The following HPSE2 variants were observed in gnomAD, a reference collection of about 807,000 sequenced individuals.
The protein encoded by HPSE2 is inactive heparanase-2.
In HPSE2, 38 loss-of-function variants were observed where a neutral mutation model predicts 60.5. The observed-to-expected ratio is 0.63, with a 90% CI of 0.48 to 0.82. HPSE2 has a LOEUF of 0.82. Among genes scored for constraint, HPSE2 ranks in the 40% least tolerant of loss-of-function variants. The pLI, the probability that HPSE2 is intolerant of heterozygous loss-of-function variation, is 0.00. For synonymous variants in HPSE2, 295 were observed against 293.2 expected, an observed-to-expected ratio of 1.01 and a Z score of -0.06; for missense variants, 713 against 740.4, an observed-to-expected ratio of 0.96 and a Z score of 0.43.
chr10:98,711,644 G>A (rs1308090915), intron 5 of HPSE2, among the ~76,000 whole-genome samples: 2 of 152,034 alleles, frequency 1.3e-5, no homozygotes, highest in Non-Finnish European at 2.9e-5. Context: ...ACAAGAAAAC[G>A]AGAAACAAAG....
intron 3 of HPSE2, among the ~76,000 whole-genome samples, chr10:99,100,221 C>T (rs556621465): frequency 3.9e-5 from 6 of 152,168 alleles, no homozygotes; most frequent in African/African-American, 9.6e-5. Context: ...TCGAATCCAT[C>T]GCAAAGAAGC....
At chr10:99,006,865 C>T (rs549954152) in intron 3 of HPSE2, among the ~76,000 whole-genome samples, 1 of 152,076 alleles carries the variant, frequency 6.6e-6, no homozygotes, top group East Asian at 1.9e-4. Context: ...GAGCCAAGGG[C>T]TGCAGGATTC....
chr10:98,701,965 C>T (rs1404029650), intron 5 of HPSE2, among the ~76,000 whole-genome samples: 1 of 152,092 alleles, frequency 6.6e-6, no homozygotes, highest in African/African-American at 2.4e-5. Flanking sequence ...ACAATATTAA[C>T]CTTAAATGTA....
intron 6 of HPSE2, among the ~76,000 whole-genome samples, chr10:98,686,039 TC>T (rs1392761131): frequency 6.6e-6 from 1 of 152,206 alleles, no homozygotes; most frequent in African/African-American, 2.4e-5. Context: ...GTACTTTACT[TC>T]TCATTCTTTC....
intron 9 of HPSE2, among the ~76,000 whole-genome samples, chr10:98,492,445 T>A (rs530389459): frequency 2.8e-5 from 4 of 144,038 alleles, no homozygotes; most frequent in Admixed American, 2.3e-4. Flanking sequence ...GAGCTTGCAG[T>A]GAGCCGAGAT....
intron 3 of HPSE2, among the ~76,000 whole-genome samples, chr10:98,826,928 G>C (rs993022542): frequency 6.6e-6 from 1 of 152,150 alleles, no homozygotes; most frequent in East Asian, 2.0e-4. Context: ...CAGGAGGATC[G>C]CTTGAGACCA....
chr10:98,580,503 TTTATTA>T (rs1564985329), intron 9 of HPSE2, among the ~76,000 whole-genome samples: 2 of 152,050 alleles, frequency 1.3e-5, no homozygotes, highest in Non-Finnish European at 2.9e-5. Flanking sequence ...TTCCAGTCCT[TTTATTA>T]TTATTTTTGC....
chr10:99,286,363 T>C, the HPSE2 span, among the ~76,000 whole-genome samples: 2 of 152,206 alleles, frequency 1.3e-5, no homozygotes, highest in African/African-American at 4.8e-5. Context: ...ATCTTATATA[T>C]GTACACAATG....
At position 99,161,586 on chromosome 10, in the gene HPSE2, T is replaced by C. The variant is rs182551876; in HGVS notation, c.449-17187A>G. ...GCTTGATTGTAAACAAGCATAAGAATGTTCTAAGGATGAAGATAATTGTTG... is the reference window on the plus strand; with the variant it reads ...GCTTGATTGTAAACAAGCATAAGAACGTTCTAAGGATGAAGATAATTGTTG... On this transcript the variant is annotated intron_variant, in intron 2 of 11. Transcript: ENST00000370552. Among the ~76,000 whole-genome samples, 67 of 152,326 alleles carry C rather than the reference T, an allele frequency of 4.4e-4. No homozygotes were observed. The East Asian group carries it at 0.012, about 27-fold the overall frequency.
intron 2 of HPSE2, among the ~76,000 whole-genome samples, chr10:99,212,158 T>C (rs370789442): frequency 2.0e-5 from 3 of 152,070 alleles, no homozygotes; most frequent in East Asian, 3.8e-4. Flanking sequence ...ATAGCTATTA[T>C]CAAAAAGACA....
chr10:99,185,661 C>G (rs941493334), intron 2 of HPSE2, among the ~76,000 whole-genome samples: 2 of 151,606 alleles, frequency 1.3e-5, no homozygotes, highest in African/African-American at 4.8e-5. Flanking sequence ...TTAGTCCCAG[C>G]TACTCGGGAG....
At chr10:99,305,973 G>GCACACACACACACACACACACACACACA in the HPSE2 span, among the ~76,000 whole-genome samples, 2 of 44,046 alleles carry the variant, frequency 4.5e-5, no homozygotes, top group South Asian at 7.0e-4. Flanking sequence ...GCGCGCGCGC[G>GCACACACACACACACACACACACACACA]CGCGCGCACA....
chr10:99,185,367 C>G (rs1330628757), intron 2 of HPSE2, among the ~76,000 whole-genome samples: 1 of 151,724 alleles, frequency 6.6e-6, no homozygotes, highest in Non-Finnish European at 1.5e-5. Flanking sequence ...AGAGAACACC[C>G]AAGAAGAAGA....
intron 3 of HPSE2, among the ~76,000 whole-genome samples, chr10:99,026,403 T>C (rs1957378479): frequency 6.6e-6 from 1 of 152,046 alleles, no homozygotes; most frequent in Non-Finnish European, 1.5e-5. Flanking sequence ...GGGGTCAATT[T>C]AGCAAGAGAA....
intron 9 of HPSE2, among the ~76,000 whole-genome samples, chr10:98,606,510 G>A (rs1166552995): frequency 6.6e-6 from 1 of 152,194 alleles, no homozygotes; most frequent in Non-Finnish European, 1.5e-5. Context: ...ACAAAGAAAG[G>A]CTATAAGGAT....
chr10:99,127,016 C>T (rs1349149505), intron 3 of HPSE2, among the ~76,000 whole-genome samples: 5 of 152,192 alleles, frequency 3.3e-5, no homozygotes, highest in Non-Finnish European at 5.9e-5. Context: ...AGTCCCAGAT[C>T]TTCCCTCTGA....
intron 2 of HPSE2, among the ~76,000 whole-genome samples, chr10:99,153,142 G>T (rs1430997778): frequency 6.6e-6 from 1 of 152,232 alleles, no homozygotes; most frequent in Non-Finnish European, 1.5e-5. Flanking sequence ...AGCAGTCTGA[G>T]ATCAAACTGC....
chr10:98,953,488 G>A (rs775695903), intron 3 of HPSE2, among the ~76,000 whole-genome samples: 15 of 152,140 alleles, frequency 9.9e-5, no homozygotes, highest in Non-Finnish European at 1.9e-4. Flanking sequence ...CCTAGGTCTG[G>A]TCCCTTCTAC....
intron 7 of HPSE2, among the ~76,000 whole-genome samples, chr10:98,633,745 G>A (rs1301901843): frequency 2.0e-5 from 3 of 152,054 alleles, no homozygotes; most frequent in South Asian, 2.1e-4. Context: ...GGGAGTCAGC[G>A]CCTCTAACCC....
Sources: allele counts gnomAD v4.1 joint callset (sites outside exome capture counted in the v4.1 genomes callset), GRCh38; gene constraint gnomAD v4.1.1; transcripts MANE v1.5; gene names NCBI Gene and HGNC (gene_info 2026-07-23, HGNC 2026-07-21).